Variants in ERICH6B observed in about 807,000 individuals in gnomAD.
ERICH6B encodes the protein glutamate-rich protein 6B.
Under a neutral mutation model 80.0 loss-of-function variants are expected in ERICH6B, and 69 were observed. The observed-to-expected ratio is 0.86, with a 90% CI of 0.71 to 1.05. The LOEUF (loss-of-function observed/expected upper bound fraction) is 1.05. Ranked by LOEUF, ERICH6B falls within the 50% of genes least tolerant of loss-of-function variation. The pLI is 0.00. For missense variants in ERICH6B, 754 were observed against 796.1 expected (o/e 0.95, Z 0.64); for synonymous variants, 283 against 291.9 (o/e 0.97, Z 0.31).
chr13:45,565,220 A>C (rs1262163315), intron 9 of ERICH6B, among the ~76,000 whole-genome samples: 2 of 151,922 alleles, frequency 1.3e-5, no homozygotes, highest in South Asian at 2.1e-4. Flanking sequence ...CTCTTGCCCC[A>C]TGCCTCTACT....
At chr13:45,588,992 G>A (rs1876045314) in intron 4 of ERICH6B, among the ~76,000 whole-genome samples, 1 of 152,060 alleles carries the variant, frequency 6.6e-6, no homozygotes, top group Non-Finnish European at 1.5e-5. Flanking sequence ...GGAAGTGAGA[G>A]AGGGAGCCGC....
In ERICH6B at chr13:45,600,959, A is replaced by G. The variant is rs551649643; in HGVS notation, c.-58-3896T>C. ...TAGCAAAAATCCTGCCCCATCCTCC[A>G]TATATGACCATCCTTGTTACCTGAT... On this transcript the variant is annotated intron_variant, in intron 2 of 14. Transcript: ENST00000298738. Among the ~76,000 whole-genome samples the G allele has an allele frequency of 2.6e-5, 4 of 152,224 alleles. No individual in the cohort carries two copies. The East Asian group carries it at 7.7e-4, about 29-fold the overall frequency.
At chr13:45,590,600 T>A in intron 4 of ERICH6B, 49 bp downstream of exon 4, 1 of 1,510,778 alleles carries the variant, frequency 6.6e-7, no homozygotes, top group Admixed American at 2.0e-5. Context: ...TGAAACATTG[T>A]CCCCAAGCAG....
chr13:45,580,076 A>G lies in ERICH6B; in HGVS notation c.920-102T>C, dbSNP rs1430354385. 13 of 1,017,862 alleles carry G rather than the reference A, an allele frequency of 1.3e-5. No individual in the cohort carries two copies. In the Admixed American group the frequency reaches 2.1e-4, roughly 17 times the overall value. 63.1% of individuals were successfully genotyped at this position (1,017,862 alleles called of 1,614,324 possible). A position where few individuals can be genotyped will look rare whatever the true frequency, so the allele number is the denominator to read the frequency against. On this transcript the variant is annotated intron_variant, in intron 6 of 14. Transcript: ENST00000298738. ...TCAATTTAAAAATCATCTCCTAGAT[A>G]TCTGGGAAGCCTCAGGGTGGAGTGC...
chr13:45,605,209 ACTCT>A (rs1398170966), intron 2 of ERICH6B, among the ~76,000 whole-genome samples: 3 of 151,900 alleles, frequency 2.0e-5, no homozygotes, highest in Non-Finnish European at 4.4e-5. Flanking sequence ...CCCCCACCTC[ACTCT>A]CCAGGGAGCC....
At chr13:45,542,855 C>G (rs749873924) in intron 14 of ERICH6B, among the ~76,000 whole-genome samples, 18 of 152,212 alleles carry the variant, frequency 1.2e-4, no homozygotes, top group Non-Finnish European at 2.5e-4. Context: ...GTGGAAATTT[C>G]CCAGTTTTAG....
At chr13:45,559,348 GAACC>G (rs1874571664) in intron 11 of ERICH6B, among the ~76,000 whole-genome samples, 1 of 151,878 alleles carries the variant, frequency 6.6e-6, no homozygotes, top group African/African-American at 2.4e-5. Context: ...TCTTTTCAAA[GAACC>G]AACTTTTTGT....
Position 45,579,920 on chromosome 13 carries a change from G to T in ERICH6B, c.961+13C>A. 1 of 1,551,746 alleles carries T rather than the reference G, an allele frequency of 6.4e-7. No individual in the cohort carries two copies. Among genetic ancestry groups the T allele is most frequent in the Non-Finnish European group, 8.7e-7 (1 of 1,146,866 alleles). Reference sequence around the variant, plus strand: ...AAGCAGGGATCTTTGGATGCATTATGTCAGATGCTCACCATTTTCTTCCTT... The same window carrying T: ...AAGCAGGGATCTTTGGATGCATTATTTCAGATGCTCACCATTTTCTTCCTT... On this transcript the variant is annotated intron_variant, in intron 7 of 14. Coordinates refer to ENST00000298738, the MANE Select transcript of ERICH6B (RefSeq NM_182542.3).
intron 8 of ERICH6B, among the ~76,000 whole-genome samples, chr13:45,573,979 A>G (rs949284578): frequency 6.6e-6 from 1 of 152,208 alleles, no homozygotes; most frequent in African/African-American, 2.4e-5. Flanking sequence ...AGTAAATCTT[A>G]GTAATACGGT....
chr13:45,567,302 G>A (rs1408668844), intron 9 of ERICH6B, among the ~76,000 whole-genome samples: 1 of 152,184 alleles, frequency 6.6e-6, no homozygotes, highest in Non-Finnish European at 1.5e-5. Flanking sequence ...AAGACTTTGG[G>A]GGACTGTTGG....
At chr13:45,576,508 A>G (rs551409794) in intron 7 of ERICH6B, among the ~76,000 whole-genome samples, 6 of 152,344 alleles carry the variant, frequency 3.9e-5, no homozygotes, top group Non-Finnish European at 7.4e-5. Flanking sequence ...AATTCAAGCA[A>G]GCACTGGGGA....
At chr13:45,615,508 G>A (rs1949922807) in intron 1 of ERICH6B, among the ~76,000 whole-genome samples, 177 bp downstream of exon 1, 1 of 152,222 alleles carries the variant, frequency 6.6e-6, no homozygotes, top group Non-Finnish European at 1.5e-5. Context: ...GCCGAGAAAG[G>A]GCGAGAGAAA....
At chr13:45,613,837 G>C (rs1593331884) in intron 1 of ERICH6B, among the ~76,000 whole-genome samples, 1 of 152,246 alleles carries the variant, frequency 6.6e-6, no homozygotes, top group Middle Eastern at 3.4e-3. Context: ...GACTTTTTTA[G>C]TTATACAACA....
chr13:45,598,613 T>C (rs1292088634), intron 2 of ERICH6B, among the ~76,000 whole-genome samples: 1 of 152,106 alleles, frequency 6.6e-6, no homozygotes, highest in East Asian at 1.9e-4. Flanking sequence ...GACAAGGCCA[T>C]TCATCATGGG....
intron 14 of ERICH6B, 76 bp downstream of exon 14, chr13:45,544,684 C>A: frequency 7.6e-7 from 1 of 1,307,464 alleles, no homozygotes; most frequent in Non-Finnish European, 1.1e-6. Flanking sequence ...GTGGCATGGG[C>A]CAGTCCAAGC....
chr13:45,601,430 C>T (rs1949826514), intron 2 of ERICH6B, among the ~76,000 whole-genome samples: 2 of 152,148 alleles, frequency 1.3e-5, no homozygotes, highest in Non-Finnish European at 2.9e-5. Flanking sequence ...TGATTGCTGT[C>T]CAGCTTTGCT....
rs34262705 is a variant in ERICH6B, at chr13:45,579,993, AATT to A, written c.920-22_920-20del. On this transcript the variant is annotated intron_variant, in intron 6 of 14. Coordinates refer to ENST00000298738, the MANE Select transcript of ERICH6B (RefSeq NM_182542.3). ...ACATGCTCTAAAAAAGAATAAGAAA[AATT>A]ATTAACAGGATACGGTATAGTGAAC... 106,699 of 1,532,084 alleles carry A rather than the reference AATT, an allele frequency of 0.07. 5,895 individuals are homozygous for A. The highest frequency in any genetic ancestry group is 0.27 in the African/African-American group (19,334 of 72,514). 94.9% of individuals were successfully genotyped at this position (1,532,084 alleles called of 1,614,324 possible).
Position 45,580,664 on chromosome 13 carries a change from T to C in ERICH6B, c.858A>G (p.Val286=), listed in dbSNP as rs1457922806. 4.5e-6 allele frequency: 7 copies of C among 1,551,562 alleles called. No homozygotes were observed. Among genetic ancestry groups the C allele is most frequent in the African/African-American group, 1.4e-5 (1 of 73,036 alleles). ...QTDWCYDRTA[V]KSLKSKSETE... ...TTTCTGATTTCGATTTTAAAGATTT[T>C]ACTGTTAAAAGGCAGAAGAGGGTGG... Residue 286 remains valine, a splice_region_variant and synonymous_variant, in exon 6 of 15, where the codon GTA becomes GTG. Coordinates refer to ENST00000298738, the MANE Select transcript of ERICH6B (RefSeq NM_182542.3).
chr13:45,549,036 C>T (rs1232259690), intron 13 of ERICH6B, among the ~76,000 whole-genome samples: 1 of 152,162 alleles, frequency 6.6e-6, no homozygotes, highest in African/African-American at 2.4e-5. Flanking sequence ...GTAATCCCAG[C>T]ACTTTGGGTG....
Sources: allele counts gnomAD v4.1 joint callset (sites outside exome capture counted in the v4.1 genomes callset), GRCh38; gene constraint gnomAD v4.1.1; transcripts MANE v1.5; gene names NCBI Gene and HGNC (gene_info 2026-07-23, HGNC 2026-07-21).